Variants in ADAMTS12 observed in about 807,000 individuals in gnomAD.
ADAMTS12 encodes A disintegrin and metalloproteinase with thrombospondin motifs 12.
A neutral mutation model predicts 167.8 loss-of-function variants in ADAMTS12; 118 were observed. That is an observed-to-expected ratio of 0.70 (90% CI 0.61 to 0.82). ADAMTS12 has a LOEUF of 0.82. Ranked by LOEUF, ADAMTS12 falls within the 40% of genes least tolerant of loss-of-function variation. The pLI, the probability that ADAMTS12 is intolerant of heterozygous loss-of-function variation, is 0.00. For synonymous variants in ADAMTS12, 704 were observed against 716.9 expected (o/e 0.98, Z 0.29); for missense variants, 1,916 against 1,998.8 (o/e 0.96, Z 0.79).
chr5:33,808,975 T>C (rs1747340581), intron 2 of ADAMTS12, among the ~76,000 whole-genome samples: 1 of 152,236 alleles, frequency 6.6e-6, no homozygotes, highest in Admixed American at 6.5e-5. Context: ...ATGTCTTCAA[T>C]TCTTTAGGGT....
chr5:33,704,631 C>T (rs1398197339), intron 3 of ADAMTS12, among the ~76,000 whole-genome samples: 1 of 152,112 alleles, frequency 6.6e-6, no homozygotes, highest in East Asian at 1.9e-4. Flanking sequence ...TACCTGATGG[C>T]CATTTATATG....
chr5:33,535,692 A>G (rs1744364660), intron 22 of ADAMTS12, among the ~76,000 whole-genome samples: 1 of 152,160 alleles, frequency 6.6e-6, no homozygotes, highest in African/African-American at 2.4e-5. Flanking sequence ...GCAAAGCAGA[A>G]TACAATTTCA....
intron 22 of ADAMTS12, among the ~76,000 whole-genome samples, chr5:33,540,163 C>T (rs1412027212): frequency 1.3e-5 from 2 of 152,268 alleles, no homozygotes; most frequent in African/African-American, 4.8e-5. Flanking sequence ...CTCTCCTGTG[C>T]CTGGTTCGGC....
intron 18 of ADAMTS12, 29 bp downstream of exon 18, chr5:33,588,569 GC>G (rs768103937): frequency 6.2e-7 from 1 of 1,607,414 alleles, no homozygotes; most frequent in African/African-American, 1.3e-5. Flanking sequence ...CTTGAATAAT[GC>G]CAGTTTCCCC....
chr5:33,844,429 C>G (rs1294411619), intron 2 of ADAMTS12, among the ~76,000 whole-genome samples: 1 of 152,172 alleles, frequency 6.6e-6, no homozygotes, highest in Admixed American at 6.5e-5. Flanking sequence ...GGGTAGGCCT[C>G]TAAAATGGCC....
intron 2 of ADAMTS12, among the ~76,000 whole-genome samples, chr5:33,772,527 A>C (rs901552898): frequency 2.0e-5 from 3 of 152,332 alleles, no homozygotes; most frequent in Middle Eastern, 3.4e-3. Context: ...GAGATTGAGC[A>C]AAAATAATTC....
intron 3 of ADAMTS12, among the ~76,000 whole-genome samples, chr5:33,698,455 C>A (rs1443221204): frequency 6.6e-6 from 1 of 152,084 alleles, no homozygotes; most frequent in South Asian, 2.1e-4. Flanking sequence ...TTGAAGAATG[C>A]CAATCAGATA....
intron 22 of ADAMTS12, 26 bp downstream of exon 22, chr5:33,546,033 A>G: frequency 6.3e-7 from 1 of 1,578,650 alleles, no homozygotes; most frequent in Admixed American, 2.0e-5. Context: ...GCTAAAGTAA[A>G]AAAAGTATGT....
At chr5:33,606,052 A>T (rs1738423782) in intron 16 of ADAMTS12, among the ~76,000 whole-genome samples, 1 of 152,098 alleles carries the variant, frequency 6.6e-6, no homozygotes, top group African/African-American at 2.4e-5. Flanking sequence ...GGTTCAAGCA[A>T]ATCTCCTCCC....
At chr5:33,861,287 C>T (rs1042648537) in intron 2 of ADAMTS12, among the ~76,000 whole-genome samples, 1 of 152,084 alleles carries the variant, frequency 6.6e-6, no homozygotes, top group Non-Finnish European at 1.5e-5. Context: ...GAAGACCAAT[C>T]TCACATGCAA....
intron 20 of ADAMTS12, among the ~76,000 whole-genome samples, chr5:33,551,827 G>A (rs929356215): frequency 6.6e-5 from 10 of 152,154 alleles, no homozygotes; most frequent in African/African-American, 2.4e-4. Context: ...TAGCAAGAGG[G>A]AAGTGACAGC....
Position 33,546,193 on chromosome 5 carries a change from A to T in ADAMTS12, c.4312T>A (p.Ser1438Thr). The T allele has an allele frequency of 6.2e-7, 1 of 1,611,868 alleles. No homozygotes were observed. ...QVEPWSQCSRSCGGGVQERGV... is the reference protein window; with the variant it reads ...QVEPWSQCSRTCGGGVQERGV... ...CTCTCCTGAACTCCACCTCCACAGGACCTGGAGCACTGATACACAGCAGTG... is the reference window on the plus strand; with the variant it reads ...CTCTCCTGAACTCCACCTCCACAGGTCCTGGAGCACTGATACACAGCAGTG... The change falls in exon 22 of 24, where the codon TCC becomes ACC. Residue 1438 changes from serine (S) to threonine (T), a missense_variant. Coordinates refer to ENST00000504830, the MANE Select transcript of ADAMTS12 (RefSeq NM_030955.4).
chr5:33,613,839 G>A (rs1271717524), intron 16 of ADAMTS12, among the ~76,000 whole-genome samples: 1 of 152,164 alleles, frequency 6.6e-6, no homozygotes, highest in Admixed American at 6.5e-5. Flanking sequence ...CACTGGGTTA[G>A]GAATCAGAAG....
In ADAMTS12 at chr5:33,751,412, C is replaced by G. The variant is rs1174046112; in HGVS notation, c.626G>C (p.Gly209Ala). ...CATGTGAGTCACAATACCCTTTAATCCACAGGTTGGCTCCTTGGTTTCTGG... is the reference window on the plus strand; with the variant it reads ...CATGTGAGTCACAATACCCTTTAATGCACAGGTTGGCTCCTTGGTTTCTGG... ...KVPETKEPTC[G>A]LKDSVNISQK... Residue 209 changes from glycine to alanine, a missense_variant, in exon 3 of 24, where the codon GGA becomes GCA. Transcript: ENST00000504830. 6.2e-7 allele frequency: 1 copy of G among 1,614,002 alleles called. No individual in the cohort carries two copies. Among genetic ancestry groups the G allele is most frequent in the African/African-American group, 1.3e-5 (1 of 74,902 alleles).
chr5:33,537,545 C>T (rs914545757), intron 22 of ADAMTS12, among the ~76,000 whole-genome samples: 1 of 152,196 alleles, frequency 6.6e-6, no homozygotes, highest in African/African-American at 2.4e-5. Context: ...CCCATACATA[C>T]CACACTTGAC....
At chr5:33,884,668 G>C (rs1750575659) in intron 1 of ADAMTS12, among the ~76,000 whole-genome samples, 1 of 152,130 alleles carries the variant, frequency 6.6e-6, no homozygotes. Flanking sequence ...TGCATACTAG[G>C]AGAGTGAAGG....
chr5:33,526,893 T>C lies in ADAMTS12; in HGVS notation c.*295A>G, dbSNP rs1305832044. 1 of 323,944 alleles carries C rather than the reference T, an allele frequency of 3.1e-6. No individual in the cohort carries two copies. The highest frequency in any genetic ancestry group is 5.6e-6 in the Non-Finnish European group (1 of 177,160). The allele number at this position is 323,944 out of a possible 1,614,324, so 20.1% of individuals were successfully genotyped here. A position where few individuals can be genotyped will look rare whatever the true frequency, so the allele number is the denominator to read the frequency against. On this transcript the variant is annotated 3_prime_UTR_variant, in exon 24 of 24. Coordinates refer to ENST00000504830, the MANE Select transcript of ADAMTS12 (RefSeq NM_030955.4). ...TTTTATCTTTAAGGGAGAACAAAAATACAGTATTTCACAAATCTGTCTAAC... is the reference window on the plus strand; with the variant it reads ...TTTTATCTTTAAGGGAGAACAAAAACACAGTATTTCACAAATCTGTCTAAC...
chr5:33,879,882 G>A (rs1187439780), intron 2 of ADAMTS12, among the ~76,000 whole-genome samples: 1 of 152,214 alleles, frequency 6.6e-6, no homozygotes, highest in Non-Finnish European at 1.5e-5. Flanking sequence ...AACAATGGGA[G>A]GATTTGGAAC....
chr5:33,660,907 C>T (rs558923800), intron 6 of ADAMTS12, among the ~76,000 whole-genome samples: 2 of 152,112 alleles, frequency 1.3e-5, no homozygotes, highest in African/African-American at 4.8e-5. Context: ...TGGATCAGGG[C>T]AAGGTAGACA....
Sources: allele counts gnomAD v4.1 joint callset (sites outside exome capture counted in the v4.1 genomes callset), GRCh38; gene constraint gnomAD v4.1.1; transcripts MANE v1.5; gene names NCBI Gene and HGNC (gene_info 2026-07-23, HGNC 2026-07-21).